The following MCCC2 variants were observed in gnomAD, a reference collection of about 807,000 sequenced individuals.
MCCC2 encodes the protein methylcrotonoyl-CoA carboxylase beta chain, mitochondrial.
MCCC2 carries 52 observed loss-of-function variants against 77.2 expected under a neutral mutation model. That is an observed-to-expected ratio of 0.67 (90% CI 0.54 to 0.85). MCCC2 has a LOEUF of 0.85. MCCC2 is among the 40% of genes least tolerant of loss of function. MCCC2 has a pLI of 0.00. For synonymous variants in MCCC2, 253 were observed against 248.4 expected, an observed-to-expected ratio of 1.02 and a Z score of -0.18; for missense variants, 682 against 703.2, an observed-to-expected ratio of 0.97 and a Z score of 0.34.
At position 71,592,774 on chromosome 5, in the gene MCCC2, C is replaced by T. The variant is rs1745029017; in HGVS notation, c.130-152C>T. ...ATCTTTTCCATACGATCCAGTGGCC[C>T]AGCGTGGCTGCCACAGATGGGGTGG... On this transcript the variant is annotated intron_variant, in intron 1 of 16. Transcript: ENST00000340941. The T allele has an allele frequency of 5.9e-6, 4 of 683,222 alleles. No individual in the cohort carries two copies. In the South Asian group the frequency reaches 6.7e-5, roughly 11 times the overall value. The allele number at this position is 683,222 out of a possible 1,614,324, so 42.3% of individuals were successfully genotyped here. A position where few individuals can be genotyped will look rare whatever the true frequency, so the allele number is the denominator to read the frequency against.
intron 10 of MCCC2, among the ~76,000 whole-genome samples, chr5:71,637,141 CATTTCCCCCCTTCTTCCTAAGAA>C (rs1330726049): frequency 1.3e-5 from 2 of 152,170 alleles, no homozygotes; most frequent in African/African-American, 4.8e-5. Context: ...GAAATTTTAA[CATTTCCCCCCTTCTTCCTAAGAA>C]ATTTTCAAAT....
rs750638270 is a variant in MCCC2 at position 71,587,539 on chromosome 5, C to T, written c.114C>T (p.Gly38=). 2.0e-6 allele frequency: 3 copies of T among 1,537,892 alleles called. No homozygotes were observed. The highest frequency in any genetic ancestry group is 3.9e-5 in the Admixed American group (2 of 50,980). Residue 38 remains glycine, a synonymous_variant, in exon 1 of 17, where the codon GGC becomes GGT. Coordinates refer to ENST00000340941, the MANE Select transcript of MCCC2 (RefSeq NM_022132.5). The part of the protein sequence containing the change: ...VASLGTQPDL[G]SALYQENYKQ... ...CGCTGGGCACCCAGCCGGACTTGGGCTCTGCCCTCTACCAGGTAGGCTGAG... is the reference window on the plus strand; with the variant it reads ...CGCTGGGCACCCAGCCGGACTTGGGTTCTGCCCTCTACCAGGTAGGCTGAG...
At chr5:71,639,898 A>T (rs917860707) in intron 10 of MCCC2, among the ~76,000 whole-genome samples, 1 of 152,220 alleles carries the variant, frequency 6.6e-6, no homozygotes, top group East Asian at 1.9e-4. Flanking sequence ...CTTGATGGTG[A>T]GAAAGATGTT....
intron 15 of MCCC2, among the ~76,000 whole-genome samples, chr5:71,651,163 A>G (rs1382367186): frequency 6.6e-6 from 1 of 152,252 alleles, no homozygotes; most frequent in Non-Finnish European, 1.5e-5. Context: ...TGAGATTTAA[A>G]TAAGTCTGAT....
rs765487963 is a variant in MCCC2 at position 71,604,342 on chromosome 5, T to A, written c.512-14T>A. ...TTCATAGAGATGCTTATGTTTCTCA[T>A]TTCTTGTCTTCAGTTGATTCGGGAG... is the stretch of plus-strand genomic sequence containing the variant. On this transcript the variant is annotated splice_polypyrimidine_tract_variant and intron_variant, in intron 5 of 16. Coordinates refer to ENST00000340941, the MANE Select transcript of MCCC2 (RefSeq NM_022132.5). The A allele has an allele frequency of 1.2e-6, 2 of 1,608,112 alleles. No homozygotes were observed. The highest frequency in any genetic ancestry group is 2.7e-5 in the African/African-American group (2 of 74,906).
In MCCC2 at chr5:71,650,203, G is replaced by A. The variant is rs748746325; in HGVS notation, c.1488+20G>A. The A allele has an allele frequency of 6.2e-7, 1 of 1,606,442 alleles. No individual in the cohort carries two copies. Among genetic ancestry groups the A allele is most frequent in the Non-Finnish European group, 8.5e-7 (1 of 1,173,330 alleles). ...AAGCAGGTCGGTGTCGTTTTCTCTT[G>A]TTTCTCTCTGGTTTTGCCTCTCACC... On this transcript the variant is annotated intron_variant, in intron 15 of 16. Coordinates refer to ENST00000340941, the MANE Select transcript of MCCC2 (RefSeq NM_022132.5).
chr5:71,607,389 G>A (rs1442074418), intron 6 of MCCC2, among the ~76,000 whole-genome samples: 1 of 150,716 alleles, frequency 6.6e-6, no homozygotes, highest in Non-Finnish European at 1.5e-5. Context: ...ATTCTCTGAT[G>A]GTAGTTTGTA....
intron 6 of MCCC2, among the ~76,000 whole-genome samples, chr5:71,609,733 C>T (rs1745838571): frequency 1.3e-5 from 2 of 152,016 alleles, no homozygotes; most frequent in Admixed American, 6.6e-5. Context: ...TAGTGATGTA[C>T]AGATGGGTTT....
intron 6 of MCCC2, among the ~76,000 whole-genome samples, chr5:71,609,968 C>A (rs1318498778): frequency 2.0e-5 from 3 of 152,140 alleles, no homozygotes; most frequent in Admixed American, 6.5e-5. Flanking sequence ...CTGCTCTCTT[C>A]AAAGCTGTCA....
At chr5:71,622,510 TCA>T (rs1204015071) in intron 6 of MCCC2, among the ~76,000 whole-genome samples, 3 of 152,170 alleles carry the variant, frequency 2.0e-5, no homozygotes, top group African/African-American at 4.8e-5. Flanking sequence ...TTTAGGATAT[TCA>T]CAGAGTTGAA....
intron 12 of MCCC2, 137 bp downstream of exon 12, chr5:71,644,032 C>CGTGTGTGTGTGT: frequency 3.7e-6 from 2 of 538,732 alleles, no homozygotes; most frequent in Non-Finnish European, 6.0e-6. Flanking sequence ...TGTGCGCGGG[C>CGTGTGTGTGTGT]ATGTGTGTGT....
chr5:71,650,304 C>T lies in MCCC2; in HGVS notation c.1488+121C>T, dbSNP rs1747402068. The stretch of plus-strand genomic sequence containing the variant: ...ATGGCTGGGGACCTGGCGCACACTG[C>T]CTGGCCATATTTAGACTGTGCTGCC... On this transcript the variant is annotated intron_variant, in intron 15 of 16. Coordinates refer to ENST00000340941, the MANE Select transcript of MCCC2 (RefSeq NM_022132.5). 4 of 754,338 alleles carry T rather than the reference C, an allele frequency of 5.3e-6. No individual in the cohort carries two copies. The South Asian group carries it at 5.8e-5, about 11-fold the overall frequency. The allele number at this position is 754,338 out of a possible 1,614,324, so 46.7% of individuals were successfully genotyped here.
At chr5:71,615,556 GT>G (rs1465520856) in intron 6 of MCCC2, among the ~76,000 whole-genome samples, 1 of 152,028 alleles carries the variant, frequency 6.6e-6, no homozygotes, top group African/African-American at 2.4e-5. Context: ...AACCTCGGGG[GT>G]TCTGCTTTCT....
chr5:71,620,811 C>A (rs971880554), intron 6 of MCCC2, among the ~76,000 whole-genome samples: 1 of 152,154 alleles, frequency 6.6e-6, no homozygotes, highest in African/African-American at 2.4e-5. Context: ...CATCCTCATC[C>A]TTCTTGCACG....
intron 10 of MCCC2, 120 bp downstream of exon 10, chr5:71,635,366 A>C: frequency 1.1e-6 from 1 of 872,976 alleles, no homozygotes; most frequent in Non-Finnish European, 1.9e-6. Context: ...TGTGGATCTC[A>C]GTAAGGAGTG....
chr5:71,655,839 C>T (rs907021547), intron 16 of MCCC2, among the ~76,000 whole-genome samples: 1 of 152,156 alleles, frequency 6.6e-6, no homozygotes, highest in African/African-American at 2.4e-5. Flanking sequence ...GTTTCTTCTG[C>T]AAGCAGTTTA....
At position 71,587,700 on chromosome 5, in the gene MCCC2, A is replaced by G. The variant is rs183578809; in HGVS notation, c.129+146A>G. ...GTGAAGTTTGAAGAAGAAAAGCCTAACAGATACAAGAAAGTTTAGTTCACT... is the reference window on the plus strand; with the variant it reads ...GTGAAGTTTGAAGAAGAAAAGCCTAGCAGATACAAGAAAGTTTAGTTCACT... On this transcript the variant is annotated intron_variant, in intron 1 of 16. Coordinates refer to ENST00000340941, the MANE Select transcript of MCCC2 (RefSeq NM_022132.5). The G allele has an allele frequency of 6.0e-4, 675 of 1,119,340 alleles. 4 individuals carry two copies. The African/African-American group carries it at 9.6e-3, about 16-fold the overall frequency. The allele number at this position is 1,119,340 out of a possible 1,614,324, so 69.3% of individuals were successfully genotyped here. A position where few individuals can be genotyped will look rare whatever the true frequency, so the allele number is the denominator to read the frequency against.
intron 3 of MCCC2, among the ~76,000 whole-genome samples, chr5:71,597,331 G>A (rs1745228204): frequency 6.6e-6 from 1 of 152,194 alleles, no homozygotes; most frequent in African/African-American, 2.4e-5. Context: ...TATCATAAAG[G>A]TTTTGGTTTT....
chr5:71,600,152 A>C (rs1168327009), intron 4 of MCCC2, among the ~76,000 whole-genome samples: 1 of 152,068 alleles, frequency 6.6e-6, no homozygotes, highest in Non-Finnish European at 1.5e-5. Context: ...TGACAGAGCA[A>C]GACTCCGTCT....
Sources: allele counts gnomAD v4.1 joint callset (sites outside exome capture counted in the v4.1 genomes callset), GRCh38; gene constraint gnomAD v4.1.1; transcripts MANE v1.5; gene names NCBI Gene and HGNC (gene_info 2026-07-23, HGNC 2026-07-21).